SCML4: variants seen among roughly 807,000 people sequenced by gnomAD.
SCML4 encodes the protein Scm polycomb group protein like 4.
A neutral mutation model predicts 41.1 loss-of-function variants in SCML4; 34 were observed. The ratio of observed to expected loss-of-function variants is 0.83; its 90% CI spans 0.63 to 1.10. The LOEUF (loss-of-function observed/expected upper bound fraction) is 1.10, where lower values mean the gene tolerates loss of function less well. Among genes scored for constraint, SCML4 ranks in the 50% least tolerant of loss-of-function variants. SCML4 has a pLI of 0.00. For synonymous variants in SCML4, 214 were observed against 220.9 expected, an observed-to-expected ratio of 0.97 and a Z score of 0.28; for missense variants, 522 against 534.1, an observed-to-expected ratio of 0.98 and a Z score of 0.22.
intron 6 of SCML4, chr6:107,720,033 T>C: frequency 3.0e-6 from 3 of 985,480 alleles, no homozygotes; most frequent in Non-Finnish European, 3.6e-6. Flanking sequence ...AGAAGTGGCA[T>C]TACAACCAGC....
At chr6:107,784,706 T>A (rs1781751344) in intron 1 of SCML4, among the ~76,000 whole-genome samples, 1 of 152,262 alleles carries the variant, frequency 6.6e-6, no homozygotes, top group Non-Finnish European at 1.5e-5. Context: ...GTGGCTCTGA[T>A]ATCCTCAGCT....
chr6:107,820,009 C>T (rs12214852), intron 1 of SCML4, among the ~76,000 whole-genome samples: 1 of 152,086 alleles, frequency 6.6e-6, no homozygotes, highest in Non-Finnish European at 1.5e-5. Flanking sequence ...ATCTCCTCCG[C>T]GGCAGCAAAG....
At chr6:107,832,777 G>A in the SCML4 span, among the ~76,000 whole-genome samples, 1 of 152,238 alleles carries the variant, frequency 6.6e-6, no homozygotes, top group African/African-American at 2.4e-5. Flanking sequence ...CCAGGAAGAA[G>A]AGAGGCCGTA....
intron 6 of SCML4, among the ~76,000 whole-genome samples, chr6:107,718,229 G>T (rs1461817736): frequency 6.6e-6 from 1 of 152,208 alleles, no homozygotes; most frequent in Non-Finnish European, 1.5e-5. Flanking sequence ...TGAATCATGG[G>T]TTTGGTTCCC....
chr6:107,794,654 C>A (rs768945834), intron 1 of SCML4, among the ~76,000 whole-genome samples: 3 of 152,014 alleles, frequency 2.0e-5, no homozygotes, highest in East Asian at 1.9e-4. Flanking sequence ...CCTGAGTGTG[C>A]GAGGCAGATG....
rs574337292 is a variant in SCML4 at position 107,747,722 on chromosome 6, T to C, written c.287-833A>G. Among the ~76,000 whole-genome samples, 12 of 152,156 alleles carry C rather than the reference T, an allele frequency of 7.9e-5. No individual in the cohort carries two copies. In the South Asian group the frequency reaches 2.5e-3, roughly 32 times the overall value. On this transcript the variant is annotated intron_variant, in intron 3 of 7. Coordinates refer to ENST00000369020, the MANE Select transcript of SCML4 (RefSeq NM_198081.5). ...AGTGGAATCTTTATGAATTTTGCAA[T>C]TAAAGAGAAAAAGAAATATAAATCC...
At chr6:107,735,153 G>A (rs920309064) in intron 5 of SCML4, among the ~76,000 whole-genome samples, 4 of 152,284 alleles carry the variant, frequency 2.6e-5, no homozygotes, top group South Asian at 2.1e-4. Context: ...TGGGATTACA[G>A]GCGTGAGCCA....
intron 5 of SCML4, among the ~76,000 whole-genome samples, chr6:107,730,881 A>G (rs1776468943): frequency 6.6e-6 from 1 of 152,214 alleles, no homozygotes; most frequent in South Asian, 2.1e-4. Context: ...AACTGTGCCT[A>G]AGCCTTCCGG....
chr6:107,728,339 C>T (rs1776199110), intron 5 of SCML4, among the ~76,000 whole-genome samples: 2 of 152,054 alleles, frequency 1.3e-5, no homozygotes, highest in South Asian at 2.1e-4. Flanking sequence ...GGCCAGGCAC[C>T]GTGGCTCATG....
intron 1 of SCML4, among the ~76,000 whole-genome samples, 191 bp from the exon 2 acceptor site, chr6:107,772,577 G>A (rs937003650): frequency 1.3e-5 from 2 of 152,170 alleles, no homozygotes; most frequent in African/African-American, 2.4e-5. Context: ...GTTAACTGGT[G>A]TAATTTCAAG....
At chr6:107,714,804 T>TGTC (rs1358522306) in intron 6 of SCML4, among the ~76,000 whole-genome samples, 1 of 151,984 alleles carries the variant, frequency 6.6e-6, no homozygotes, top group African/African-American at 2.4e-5. Context: ...ATTATGATGA[T>TGTC]GTCATTCCAT....
At chr6:107,769,404 C>T (rs945048089) in intron 2 of SCML4, among the ~76,000 whole-genome samples, 25 of 152,310 alleles carry the variant, frequency 1.6e-4, no homozygotes, top group African/African-American at 5.8e-4. Context: ...AGTGTCACAG[C>T]CTGTGTTACA....
chr6:107,702,638 G>A lies in SCML4; in HGVS notation c.*2562C>T, dbSNP rs1301429872. ...CTGAGTACATAACCTGCCCATGGCT[G>A]TTTTGAGGGAAATGTATCTAACTCT... On this transcript the variant is annotated 3_prime_UTR_variant, in exon 8 of 8. Coordinates refer to ENST00000369020, the MANE Select transcript of SCML4 (RefSeq NM_198081.5). 6.6e-6 allele frequency among the ~76,000 whole-genome samples: 1 copy of A among 152,200 alleles called. No individual in the cohort carries two copies. Among genetic ancestry groups the A allele is most frequent in the Non-Finnish European group, 1.5e-5 (1 of 68,040 alleles).
At chr6:107,766,328 C>T (rs972044528) in intron 2 of SCML4, among the ~76,000 whole-genome samples, 2 of 151,038 alleles carry the variant, frequency 1.3e-5, no homozygotes, top group South Asian at 2.1e-4. Flanking sequence ...CGAAATTGCG[C>T]CACTACAGTC....
At chr6:107,725,053 G>A (rs914394284) in intron 5 of SCML4, among the ~76,000 whole-genome samples, 1 of 152,212 alleles carries the variant, frequency 6.6e-6, no homozygotes. Flanking sequence ...GCAGAGGTCA[G>A]TGAGGATGAG....
At chr6:107,791,082 A>G (rs1782290482) in intron 1 of SCML4, among the ~76,000 whole-genome samples, 1 of 151,824 alleles carries the variant, frequency 6.6e-6, no homozygotes, top group East Asian at 1.9e-4. Context: ...AAAAAAAAAA[A>G]AAGCACTGAA....
At chr6:107,844,661 G>A in the SCML4 span, among the ~76,000 whole-genome samples, 2 of 152,012 alleles carry the variant, frequency 1.3e-5, no homozygotes, top group Admixed American at 1.3e-4. Flanking sequence ...AGTCCCAGTG[G>A]GGAAGGGGTA....
chr6:107,708,650 A>C (rs1018974988), intron 6 of SCML4, among the ~76,000 whole-genome samples: 4 of 152,184 alleles, frequency 2.6e-5, no homozygotes, highest in Non-Finnish European at 5.9e-5. Flanking sequence ...GAGTCCTTGC[A>C]CGGCCCTCTG....
chr6:107,792,801 T>G (rs1782436903), intron 1 of SCML4, among the ~76,000 whole-genome samples: 1 of 152,052 alleles, frequency 6.6e-6, no homozygotes, highest in South Asian at 2.1e-4. Context: ...CAGGAAAGCC[T>G]TGCTATTTGA....
Sources: allele counts gnomAD v4.1 joint callset (sites outside exome capture counted in the v4.1 genomes callset), GRCh38; gene constraint gnomAD v4.1.1; transcripts MANE v1.5; gene names NCBI Gene and HGNC (gene_info 2026-07-23, HGNC 2026-07-21).